AXIN1: variants seen among roughly 807,000 people sequenced by gnomAD.
AXIN1 encodes axin-1.
Under a neutral mutation model 76.4 loss-of-function variants are expected in AXIN1, and 30 were observed. The ratio of observed to expected loss-of-function variants is 0.39; its 90% confidence interval spans 0.29 to 0.53. The LOEUF (loss-of-function observed/expected upper bound fraction) is 0.53, where lower values mean the gene tolerates loss of function less well. Among genes scored for constraint, AXIN1 ranks in the 20% least tolerant of loss-of-function variants. AXIN1 has a pLI of 0.66. For missense variants in AXIN1, 1,140 were observed against 1,198.8 expected, an observed-to-expected ratio of 0.95 and a Z score of 0.72; for synonymous variants, 545 against 501.4, an observed-to-expected ratio of 1.09 and a Z score of -1.16.
At chr16:350,658 T>C (rs1430450879) in intron 1 of AXIN1, among the ~76,000 whole-genome samples, 1 of 152,262 alleles carries the variant, frequency 6.6e-6, no homozygotes, top group Non-Finnish European at 1.5e-5. Context: ...TCAGGGCTAC[T>C]ATTTCACATG....
chr16:345,675 T>C (rs997468027), intron 2 of AXIN1, among the ~76,000 whole-genome samples: 2 of 151,666 alleles, frequency 1.3e-5, no homozygotes, highest in African/African-American at 2.4e-5. Context: ...GATTGTACCA[T>C]TGCACTCCAG....
Position 293,568 on chromosome 16 carries a change from G to T in AXIN1, c.2106C>A (p.Asn702Lys). 6.2e-7 allele frequency: 1 copy of T among 1,612,314 alleles called. No individual in the cohort carries two copies. Among genetic ancestry groups the T allele is most frequent in the Non-Finnish European group, 8.5e-7 (1 of 1,179,954 alleles). The change falls in exon 8 of 11, where the codon AAC becomes AAA. Residue 702 changes from asparagine (N) to lysine (K), a missense_variant. This residue lies in a region of AXIN1 where 429 missense variants were observed against 405.8 expected (regional missense o/e 1.06). Transcript: ENST00000262320. The surrounding 1 kb of genome is among the most constrained non-coding windows in gnomAD (Gnocchi z 4.6). ...DPTMPPHPAP[N>K]PLTQLEEARR... The stretch of plus-strand genomic sequence containing the variant: ...GCGCCTCCTCCAGCTGGGTTAGGGG[G>T]TTGGGAGCTGGGTGGGGTGGCATGG...
intron 4 of AXIN1, among the ~76,000 whole-genome samples, chr16:306,989 G>C (rs1053266480): frequency 1.3e-5 from 2 of 151,666 alleles, no homozygotes; most frequent in Non-Finnish European, 2.9e-5. Context: ...CCTGGAGGCT[G>C]GGTGGCTGGG....
chr16:304,582 T>C (rs2141548898), intron 4 of AXIN1, 141 bp from the exon 5 acceptor site: 1 of 1,310,192 alleles, frequency 7.6e-7, no homozygotes, highest in Non-Finnish European at 1.0e-6. Context: ...TCACCCAGGC[T>C]GGAGTGCAAT....
intron 2 of AXIN1, among the ~76,000 whole-genome samples, chr16:345,229 G>A (rs1002291924): frequency 1.3e-5 from 2 of 152,052 alleles, no homozygotes; most frequent in African/African-American, 2.4e-5. Flanking sequence ...TGCCAGGATC[G>A]CCTCAGGGTC....
chr16:309,617 G>T (rs2053122053), intron 4 of AXIN1, among the ~76,000 whole-genome samples: 1 of 152,220 alleles, frequency 6.6e-6, no homozygotes. Flanking sequence ...GGCTGTGCAG[G>T]GGCCAGGCCT....
rs1177898336 is a variant in AXIN1, at chr16:302,853, A to G, written c.1254+1451T>C. Reference sequence around the variant, plus strand: ...ACTCGATGGTGCCCACTGACCTCCCATAGGAATTAATCTGGCTAAGAGAAA... The same window carrying G: ...ACTCGATGGTGCCCACTGACCTCCCGTAGGAATTAATCTGGCTAAGAGAAA... On this transcript the variant is annotated intron_variant, in intron 5 of 10. Transcript: ENST00000262320. 6.6e-5 allele frequency among the ~76,000 whole-genome samples: 10 copies of G among 152,148 alleles called. No homozygotes were observed. The South Asian group carries it at 1.0e-3, about 16-fold the overall frequency.
At chr16:303,606 T>C (rs2052934174) in intron 5 of AXIN1, among the ~76,000 whole-genome samples, 1 of 151,994 alleles carries the variant, frequency 6.6e-6, no homozygotes. Context: ...GGTCTCAAAC[T>C]CCTGACCTCA....
intron 2 of AXIN1, among the ~76,000 whole-genome samples, chr16:335,157 A>G (rs1038804683): frequency 2.6e-5 from 4 of 152,166 alleles, no homozygotes; most frequent in African/African-American, 9.7e-5. Flanking sequence ...GAAATGCTTT[A>G]TCTTTGTGGT....
intron 2 of AXIN1, 113 bp downstream of exon 2, chr16:346,035 G>T: frequency 9.8e-7 from 1 of 1,022,298 alleles, no homozygotes; most frequent in Non-Finnish European, 1.5e-6. Flanking sequence ...CAACCCCAGC[G>T]GCAGCAGGAC....
At chr16:329,835 G>T (rs1216008496) in intron 2 of AXIN1, among the ~76,000 whole-genome samples, 2 of 146,088 alleles carry the variant, frequency 1.4e-5, no homozygotes, top group East Asian at 2.0e-4. Context: ...GGGTTTCACT[G>T]TATTAGCCAG....
chr16:301,785 C>G (rs2052881020), intron 5 of AXIN1, among the ~76,000 whole-genome samples: 1 of 152,164 alleles, frequency 6.6e-6, no homozygotes, highest in African/African-American at 2.4e-5. Context: ...CGGCGACCGA[C>G]ACAACAACAA....
rs2141458261 is a variant in AXIN1 at position 288,055 on chromosome 16, C to T, written c.*67G>A. 1 of 1,610,142 alleles carries T rather than the reference C, an allele frequency of 6.2e-7. No individual in the cohort carries two copies. The highest frequency in any genetic ancestry group is 1.7e-5 in the Admixed American group (1 of 60,020). ...ATCGGGCTCCTGAGTACGAGGTCATCTGCCTGGCCGTGACACCCGTGCCCG... is the reference window on the plus strand; with the variant it reads ...ATCGGGCTCCTGAGTACGAGGTCATTTGCCTGGCCGTGACACCCGTGCCCG... On this transcript the variant is annotated 3_prime_UTR_variant, in exon 11 of 11. Coordinates refer to ENST00000262320, the MANE Select transcript of AXIN1 (RefSeq NM_003502.4).
intron 4 of AXIN1, among the ~76,000 whole-genome samples, chr16:307,618 T>TA (rs1399313360): frequency 1.3e-5 from 2 of 152,124 alleles, no homozygotes; most frequent in East Asian, 3.9e-4. Flanking sequence ...GGGCAGGTGT[T>TA]AAAGAGTCTC....
At chr16:289,075 T>G (rs2052475136) in intron 10 of AXIN1, among the ~76,000 whole-genome samples, 1 of 141,200 alleles carries the variant, frequency 7.1e-6, no homozygotes, top group Admixed American at 6.8e-5. Flanking sequence ...CGGAAGCCCT[T>G]TTTCTTCTTT....
intron 4 of AXIN1, among the ~76,000 whole-genome samples, chr16:309,558 C>T (rs2053120424): frequency 6.6e-6 from 1 of 152,180 alleles, no homozygotes; most frequent in Non-Finnish European, 1.5e-5. Context: ...AAGACGTTTA[C>T]CTGGAGACGA....
intron 2 of AXIN1, among the ~76,000 whole-genome samples, chr16:336,816 C>CAAAAAA (rs57147459): frequency 7.8e-5 from 6 of 77,074 alleles, no homozygotes; most frequent in African/African-American, 1.6e-4. Flanking sequence ...GACTCCGCCT[C>CAAAAAA]AAAAAAAAAA....
In AXIN1 at chr16:289,606, T is replaced by C. The variant is rs777310323; in HGVS notation, c.2296A>G (p.Thr766Ala). ...VSDMELSETE[T>A]RSQRKVGGGS... ...CCGCCCACCTTCCTCTGCGATCTTG[T>C]CCTGGGGAAAGAGATGCAGCGGTGG... is the stretch of plus-strand genomic sequence containing the variant. Residue 766 changes from threonine (T) to alanine (A), a missense_variant and splice_region_variant, in exon 10 of 11, where the codon ACA (threonine) becomes GCA (alanine). Coordinates refer to ENST00000262320, the MANE Select transcript of AXIN1 (RefSeq NM_003502.4). 4.3e-6 allele frequency: 7 copies of C among 1,612,716 alleles called. No homozygotes were observed. Among genetic ancestry groups the C allele is most frequent in the Non-Finnish European group, 5.9e-6 (7 of 1,179,898 alleles).
intron 2 of AXIN1, among the ~76,000 whole-genome samples, chr16:320,787 T>C (rs1488859604): frequency 2.1e-5 from 3 of 144,336 alleles, no homozygotes. Flanking sequence ...TCGCCCAGAC[T>C]GGAGTGCAGT....
Sources: gnomAD v4.1 joint callset for allele counts (sites outside exome capture counted in the v4.1 genomes callset) on GRCh38, gnomAD v4.1.1 for gene constraint, gnomAD v4.1.1 regional missense constraint, Gnocchi (gnomAD v3.1) non-coding constraint, MANE v1.5 for transcripts, NCBI Gene and HGNC (gene_info 2026-07-23, HGNC 2026-07-21) for gene names.